FAT4: variants seen among roughly 807,000 people sequenced by gnomAD.
FAT4 encodes the protein protocadherin Fat 4.
FAT4 carries 84 observed loss-of-function variants against 303.9 expected under a neutral mutation model. The ratio of observed to expected loss-of-function variants is 0.28; its 90% CI spans 0.23 to 0.33. FAT4 has a LOEUF of 0.33. Ranked by LOEUF, FAT4 falls within the 10% of genes least tolerant of loss-of-function variation. The pLI is 1.00. For missense variants in FAT4, 6,005 were observed against 6,146.8 expected (o/e 0.98, Z 0.77); for synonymous variants, 2,307 against 2,298.8 (o/e 1.00, Z -0.10).
chr4:125,410,765 G>A (rs1734809100), intron 5 of FAT4, among the ~76,000 whole-genome samples: 1 of 152,066 alleles, frequency 6.6e-6, no homozygotes, highest in African/African-American at 2.4e-5. Flanking sequence ...AAACCTGCTG[G>A]AATATTCCAT....
chr4:125,340,860 C>T (rs1731765762), intron 2 of FAT4, among the ~76,000 whole-genome samples: 1 of 152,082 alleles, frequency 6.6e-6, no homozygotes, highest in Admixed American at 6.5e-5. Context: ...AATGTGGTTG[C>T]TACTCAAACA....
Position 125,347,210 on chromosome 4 carries a change from T to C in FAT4, c.5175+25624T>C, listed in dbSNP as rs572851895. ...ATATGTTATAAATTATATATTATCATAATATATAATATATGGCATATATTA... is the reference window on the plus strand; with the variant it reads ...ATATGTTATAAATTATATATTATCACAATATATAATATATGGCATATATTA... On this transcript the variant is annotated intron_variant, in intron 2 of 17. Coordinates refer to ENST00000394329, the MANE Select transcript of FAT4 (RefSeq NM_001291303.3). 4.7e-5 allele frequency among the ~76,000 whole-genome samples: 7 copies of C among 150,460 alleles called. No homozygotes were observed. The South Asian group carries it at 1.5e-3, about 31-fold the overall frequency.
At position 125,316,970 on chromosome 4, in the gene FAT4, C is replaced by T; in HGVS notation, c.559C>T (p.Leu187=). ...IRGNEAGRFR[L]DITLNPSGEG... ...CGGCAATGAGGCGGGGCGCTTCCGTCTGGACATCACCCTGAACCCGAGCGG... is the reference window on the plus strand; with the variant it reads ...CGGCAATGAGGCGGGGCGCTTCCGTTTGGACATCACCCTGAACCCGAGCGG... Residue 187 remains leucine (L), a synonymous_variant, in exon 2 of 18, where the codon CTG becomes TTG. Transcript: ENST00000394329. The surrounding 1 kb of genome is among the most constrained non-coding windows in gnomAD (Gnocchi z 5.7). 6.2e-7 allele frequency: 1 copy of T among 1,613,996 alleles called. No individual in the cohort carries two copies. The highest frequency in any genetic ancestry group is 8.5e-7 in the Non-Finnish European group (1 of 1,180,040).
intron 11 of FAT4, among the ~76,000 whole-genome samples, chr4:125,464,252 A>G (rs920151302): frequency 1.3e-5 from 2 of 152,172 alleles, no homozygotes; most frequent in African/African-American, 4.8e-5. Context: ...AAAATTGTTA[A>G]AAAGAACTTT....
intron 12 of FAT4, among the ~76,000 whole-genome samples, chr4:125,474,220 AG>A (rs1160732729): frequency 1.3e-5 from 2 of 152,036 alleles, no homozygotes; most frequent in East Asian, 3.9e-4. Context: ...ATGTTATCCA[AG>A]GTTATTTTTC....
At chr4:125,400,606 T>C (rs1405846824) in intron 3 of FAT4, among the ~76,000 whole-genome samples, 1 of 152,026 alleles carries the variant, frequency 6.6e-6, no homozygotes, top group African/African-American at 2.4e-5. Context: ...TTTACCTTTA[T>C]GATGAGACTA....
At chr4:125,471,346 G>A (rs1323564329) in intron 12 of FAT4, among the ~76,000 whole-genome samples, 1 of 152,178 alleles carries the variant, frequency 6.6e-6, no homozygotes, top group East Asian at 1.9e-4. Flanking sequence ...TAGACTTGCT[G>A]GATGCAGGAT....
intron 14 of FAT4, among the ~76,000 whole-genome samples, chr4:125,477,824 T>G (rs912592111): frequency 6.6e-6 from 1 of 152,140 alleles, no homozygotes; most frequent in Admixed American, 6.5e-5. Context: ...GATTATTAAT[T>G]AGGTTTCTAG....
intron 4 of FAT4, among the ~76,000 whole-genome samples, chr4:125,407,442 C>T (rs1386076410): frequency 6.7e-6 from 1 of 149,552 alleles, no homozygotes; most frequent in Non-Finnish European, 1.5e-5. Context: ...TTAAAAACGT[C>T]TAATGTGATT....
rs1391846189 is a variant in FAT4, at chr4:125,320,708, A to T, written c.4297A>T (p.Ile1433Phe). 1 of 1,613,994 alleles carries T rather than the reference A, an allele frequency of 6.2e-7. No homozygotes were observed. Among genetic ancestry groups the T allele is most frequent in the East Asian group, 2.2e-5 (1 of 44,890 alleles). Reference sequence around the variant, plus strand: ...TATTTTCAAGTCTATTGTTGAGAACATTCCCATCGGTACATCTGTCATTTC... The same window carrying T: ...TATTTTCAAGTCTATTGTTGAGAACTTTCCCATCGGTACATCTGTCATTTC... ...GDIFKSIVEN[I>F]PIGTSVISVT... The change falls in exon 2 of 18, where the codon ATT becomes TTT. Residue 1433 changes from isoleucine to phenylalanine, a missense_variant. Physicochemically the swap from Ile to Phe is conservative, Grantham distance 21. Transcript: ENST00000394329.
intron 5 of FAT4, among the ~76,000 whole-genome samples, chr4:125,413,603 A>AC (rs56395300): frequency 0.99 from 150,482 of 151,890 alleles, 74,558 homozygotes; most frequent in East Asian, 1. Flanking sequence ...ACAGAATAAG[A>AC]GTAAGTGTGG....
At chr4:125,332,760 ACTAT>A (rs1415292911) in intron 2 of FAT4, among the ~76,000 whole-genome samples, 6 of 152,104 alleles carry the variant, frequency 3.9e-5, no homozygotes, top group Admixed American at 2.6e-4. Context: ...AAAAGGGAAA[ACTAT>A]CTATCTTTCG....
rs1378606538 is a variant in FAT4, at chr4:125,448,809, C to T, written c.7799C>T (p.Pro2600Leu). The stretch of plus-strand genomic sequence containing the variant: ...ACAGGATCCTCTTTAAGAGGAGAAC[C>T]TATGTCATATTATATCGCAAGTGGG... The part of the protein sequence containing the change: ...TITGSSLRGE[P>L]MSYYIASGNL... Residue 2600 changes from proline (P) to leucine (L), a missense_variant, in exon 10 of 18, where the codon CCT becomes CTT. Transcript: ENST00000394329. 2 of 1,609,432 alleles carry T rather than the reference C, an allele frequency of 1.2e-6. No individual in the cohort carries two copies. The highest frequency in any genetic ancestry group is 1.7e-6 in the Non-Finnish European group (2 of 1,179,856).
At chr4:125,463,874 T>A (rs1192396131) in intron 11 of FAT4, among the ~76,000 whole-genome samples, 1 of 151,968 alleles carries the variant, frequency 6.6e-6, no homozygotes, top group Non-Finnish European at 1.5e-5. Context: ...AGAAAAAGAG[T>A]CAACTCAAGA....
chr4:125,381,079 A>T (rs1313350335), intron 2 of FAT4, among the ~76,000 whole-genome samples: 1 of 152,184 alleles, frequency 6.6e-6, no homozygotes, highest in African/African-American at 2.4e-5. Context: ...ACTGAAATAA[A>T]TTTGCAAGTG....
In FAT4 at chr4:125,453,599, G is replaced by A. The variant is rs367545336; in HGVS notation, c.11800+789G>A. ...TGTGCGCCTGTAGTCCCAGCTACTC[G>A]GGAGGCTGAGGCAGAAGAATCACTT... On this transcript the variant is annotated intron_variant, in intron 10 of 17. Coordinates refer to ENST00000394329, the MANE Select transcript of FAT4 (RefSeq NM_001291303.3). Among the ~76,000 whole-genome samples the A allele has an allele frequency of 4.6e-5, 7 of 152,138 alleles. No individual in the cohort carries two copies. In the East Asian group the frequency reaches 1.2e-3, roughly 25 times the overall value.
chr4:125,366,513 T>C (rs1412422382), intron 2 of FAT4, among the ~76,000 whole-genome samples: 1 of 152,166 alleles, frequency 6.6e-6, no homozygotes, highest in African/African-American at 2.4e-5. Flanking sequence ...TTGATGGGTA[T>C]TTGGGTTGAT....
At chr4:125,350,692 G>T (rs1732187045) in intron 2 of FAT4, among the ~76,000 whole-genome samples, 1 of 151,622 alleles carries the variant, frequency 6.6e-6, no homozygotes, top group Non-Finnish European at 1.5e-5. Context: ...TACAAGTTTG[G>T]AAAAATGGTT....
intron 7 of FAT4, among the ~76,000 whole-genome samples, chr4:125,424,881 G>A (rs192849265): frequency 6.6e-6 from 1 of 152,250 alleles, no homozygotes; most frequent in East Asian, 1.9e-4. Context: ...CGGAAGGATA[G>A]GAAGCTGCAA....
Sources: gnomAD v4.1 joint callset for allele counts (sites outside exome capture counted in the v4.1 genomes callset) on GRCh38, gnomAD v4.1.1 for gene constraint, Gnocchi (gnomAD v3.1) non-coding constraint, MANE v1.5 for transcripts, NCBI Gene and HGNC (gene_info 2026-07-23, HGNC 2026-07-21) for gene names.